ACVR1C: variants seen among roughly 807,000 people sequenced by gnomAD.
ACVR1C encodes the protein activin A receptor type 1C, also known as activin receptor type-1C.
A neutral mutation model predicts 57.9 loss-of-function variants in ACVR1C; 23 were observed. The observed-to-expected ratio is 0.40, with a 90% CI of 0.29 to 0.56. The LOEUF (loss-of-function observed/expected upper bound fraction) is 0.56. Among genes scored for constraint, ACVR1C ranks in the 20% least tolerant of loss-of-function variants. ACVR1C has a pLI of 0.50. For synonymous variants in ACVR1C, 214 were observed against 215.3 expected, an observed-to-expected ratio of 0.99 and a Z score of 0.05; for missense variants, 480 against 607.9, an observed-to-expected ratio of 0.79 and a Z score of 2.21.
chr2:157,542,519 A>G (rs953507555), intron 6 of ACVR1C, among the ~76,000 whole-genome samples, 187 bp downstream of exon 6: 1 of 152,182 alleles, frequency 6.6e-6, no homozygotes, highest in African/African-American at 2.4e-5. Context: ...TATGGCCCAA[A>G]GTGCCAGCTC....
intron 4 of ACVR1C, among the ~76,000 whole-genome samples, chr2:157,549,467 G>A (rs889450565): frequency 6.6e-6 from 1 of 152,094 alleles, no homozygotes; most frequent in Non-Finnish European, 1.5e-5. Context: ...TAAAACTGGC[G>A]TGGCAGAGTT....
intron 1 of ACVR1C, among the ~76,000 whole-genome samples, chr2:157,621,741 C>T (rs992258405): frequency 5.9e-5 from 9 of 152,228 alleles, no homozygotes; most frequent in Admixed American, 1.3e-4. Context: ...TGGACTAATG[C>T]GAGGTATTGC....
intron 2 of ACVR1C, among the ~76,000 whole-genome samples, chr2:157,560,817 T>A (rs991685403): frequency 6.6e-6 from 1 of 152,210 alleles, no homozygotes; most frequent in African/African-American, 2.4e-5. Context: ...AAATTACTTC[T>A]CAGAACTTTT....
intron 2 of ACVR1C, among the ~76,000 whole-genome samples, chr2:157,576,246 A>G (rs1230477725): frequency 8.0e-6 from 1 of 124,692 alleles, no homozygotes; most frequent in African/African-American, 3.2e-5. Context: ...TCACTCTGTC[A>G]CCACGCTGGA....
chr2:157,589,212 T>C (rs539699151), intron 1 of ACVR1C, among the ~76,000 whole-genome samples: 3 of 152,072 alleles, frequency 2.0e-5, no homozygotes, highest in South Asian at 2.1e-4. Flanking sequence ...TTTTGACTTT[T>C]TAATGGTGAC....
At chr2:157,588,641 C>T (rs1270961502) in intron 1 of ACVR1C, among the ~76,000 whole-genome samples, 2 of 130,822 alleles carry the variant, frequency 1.5e-5, no homozygotes, top group Non-Finnish European at 3.1e-5. Flanking sequence ...TCTCTGTATG[C>T]CTTTGCATAC....
intron 1 of ACVR1C, among the ~76,000 whole-genome samples, chr2:157,608,349 T>C (rs1682454898): frequency 1.3e-5 from 2 of 151,998 alleles, no homozygotes; most frequent in South Asian, 2.1e-4. Flanking sequence ...TTGATTATTA[T>C]ATGTTATCTT....
chr2:157,616,955 G>A (rs779239212), intron 1 of ACVR1C, among the ~76,000 whole-genome samples: 1 of 151,838 alleles, frequency 6.6e-6, no homozygotes, highest in Non-Finnish European at 1.5e-5. Flanking sequence ...TAGCAAGAGG[G>A]TAGGCTACCA....
intron 1 of ACVR1C, among the ~76,000 whole-genome samples, chr2:157,598,838 T>G (rs1046534623): frequency 6.6e-6 from 1 of 152,078 alleles, no homozygotes; most frequent in Non-Finnish European, 1.5e-5. Flanking sequence ...CTGCCCAGCT[T>G]TAACAGTCTT....
In ACVR1C at chr2:157,527,595, A is replaced by G. The variant is rs1014592658; in HGVS notation, c.*6323T>C. 1 of 152,206 alleles carries G rather than the reference A, an allele frequency of 6.6e-6. No individual in the cohort carries two copies. The highest frequency in any genetic ancestry group is 2.4e-5 in the African/African-American group (1 of 41,452). 9.4% of individuals were successfully genotyped at this position (152,206 alleles called of 1,614,324 possible). A position where few individuals can be genotyped will look rare whatever the true frequency, so the allele number is the denominator to read the frequency against. ...GGACATTTAAAAACCTGAAACACAG[A>G]TCAAGTTTGAATAATCTTCTCCAGT... On this transcript the variant is annotated 3_prime_UTR_variant, in exon 9 of 9. Coordinates refer to ENST00000243349, the MANE Select transcript of ACVR1C (RefSeq NM_145259.3).
intron 1 of ACVR1C, chr2:157,597,550 G>A (rs898671896): frequency 2.0e-6 from 2 of 985,308 alleles, no homozygotes; most frequent in Non-Finnish European, 2.4e-6. Context: ...CCTGCCCGAC[G>A]GCAGCGCAAC....
At chr2:157,576,353 G>A (rs1264792731) in intron 2 of ACVR1C, among the ~76,000 whole-genome samples, 1 of 151,730 alleles carries the variant, frequency 6.6e-6, no homozygotes, top group Non-Finnish European at 1.5e-5. Context: ...CTGCAGGCAT[G>A]AGCCACCATG....
intron 2 of ACVR1C, among the ~76,000 whole-genome samples, chr2:157,586,047 T>C (rs1264970728): frequency 6.6e-6 from 1 of 152,146 alleles, no homozygotes; most frequent in African/African-American, 2.4e-5. Context: ...TGATTCCTTC[T>C]CTTATTCTCT....
Position 157,595,542 on chromosome 2 carries a change from C to G in ACVR1C, c.74-8125G>C, listed in dbSNP as rs72925483. Among the ~76,000 whole-genome samples, 5 of 152,314 alleles carry G rather than the reference C, an allele frequency of 3.3e-5. 1 individual carries two copies. The highest frequency in any genetic ancestry group is 9.6e-5 in the African/African-American group (4 of 41,576). ...AAAGGTTATTTTCTTACCCTGGCAG[C>G]CTAAATGGTTCCACATCAAACTGTT... On this transcript the variant is annotated intron_variant, in intron 1 of 8. Transcript: ENST00000243349.
chr2:157,599,195 G>A (rs544973373), intron 1 of ACVR1C, among the ~76,000 whole-genome samples: 29 of 151,704 alleles, frequency 1.9e-4, no homozygotes, highest in Admixed American at 8.5e-4. Context: ...TTAGCCAGGC[G>A]TGGTGGCGGG....
intron 1 of ACVR1C, among the ~76,000 whole-genome samples, chr2:157,621,290 T>C (rs1682764901): frequency 6.6e-6 from 1 of 151,984 alleles, no homozygotes; most frequent in Non-Finnish European, 1.5e-5. Flanking sequence ...AGAGCCGTGT[T>C]AGCCTGGCTG....
intron 2 of ACVR1C, among the ~76,000 whole-genome samples, chr2:157,577,451 C>T (rs1339974604): frequency 2.0e-5 from 3 of 151,874 alleles, no homozygotes. Flanking sequence ...TAAGTACATA[C>T]AAATTTAGAT....
chr2:157,589,107 A>G (rs1192600580), intron 1 of ACVR1C, among the ~76,000 whole-genome samples: 2 of 151,676 alleles, frequency 1.3e-5, no homozygotes, highest in East Asian at 3.9e-4. Context: ...AGAACTCTCC[A>G]TACTGTTTTC....
Position 157,589,155 on chromosome 2 carries a change from G to A in ACVR1C, c.74-1738C>T, listed in dbSNP as rs80217544. ...AATAATTTAAGTTCCCATCAGCAGG[G>A]TATAAGCATTTGCTTTTCACCATAT... On this transcript the variant is annotated intron_variant, in intron 1 of 8. Transcript: ENST00000243349. Among the ~76,000 whole-genome samples the A allele has an allele frequency of 6.0e-3, 911 of 151,668 alleles. 2 individuals carry two copies. The highest frequency in any genetic ancestry group is 0.021 in the African/African-American group (850 of 41,420).
Sources: allele counts gnomAD v4.1 joint callset (sites outside exome capture counted in the v4.1 genomes callset), GRCh38; gene constraint gnomAD v4.1.1; transcripts MANE v1.5; gene names NCBI Gene and HGNC (gene_info 2026-07-23, HGNC 2026-07-21).